Variants in CHCHD6 observed in about 807,000 individuals in gnomAD.
CHCHD6 encodes coiled-coil-helix-coiled-coil-helix domain containing 6, also known as MICOS complex subunit MIC25.
A neutral mutation model predicts 32.3 loss-of-function variants in CHCHD6; 28 were observed. The ratio of observed to expected loss-of-function variants is 0.87; its 90% CI spans 0.64 to 1.19. CHCHD6 has a LOEUF of 1.19. Ranked by LOEUF, CHCHD6 falls within the 50% of genes most tolerant of loss-of-function variation. The probability of loss-of-function intolerance (pLI) is 0.00; values close to 1 mark genes in which losing one functional copy is unlikely to be tolerated. For missense variants in CHCHD6, 333 were observed against 307.0 expected (o/e 1.08, Z -0.63); for synonymous variants, 122 against 117.5 (o/e 1.04, Z -0.25).
intron 5 of CHCHD6, among the ~76,000 whole-genome samples, chr3:126,868,596 C>A (rs1479321139): frequency 2.0e-5 from 3 of 152,158 alleles, no homozygotes; most frequent in African/African-American, 7.2e-5. Flanking sequence ...TTGCTGTATG[C>A]ATGCCTAGAC....
intron 6 of CHCHD6, among the ~76,000 whole-genome samples, chr3:126,950,746 G>A (rs557222564): frequency 1.3e-5 from 2 of 152,040 alleles, no homozygotes; most frequent in African/African-American, 4.8e-5. Flanking sequence ...CATTGCACCT[G>A]GCCTGCACAG....
At chr3:126,783,928 T>G (rs1368354306) in intron 4 of CHCHD6, among the ~76,000 whole-genome samples, 1 of 152,142 alleles carries the variant, frequency 6.6e-6, no homozygotes, top group Non-Finnish European at 1.5e-5. Flanking sequence ...AAGAGATAAG[T>G]AATTCAATAC....
intron 5 of CHCHD6, among the ~76,000 whole-genome samples, chr3:126,909,188 C>T (rs951747551): frequency 5.9e-5 from 9 of 152,330 alleles, no homozygotes; most frequent in Middle Eastern, 3.4e-3. Flanking sequence ...GGCTCCAGTC[C>T]AAAAGTTGCT....
chr3:126,901,442 A>G (rs946606225), intron 5 of CHCHD6, among the ~76,000 whole-genome samples: 1 of 152,174 alleles, frequency 6.6e-6, no homozygotes, highest in African/African-American at 2.4e-5. Context: ...ACATCCTGCC[A>G]CCTGTGGATC....
intron 7 of CHCHD6, among the ~76,000 whole-genome samples, chr3:126,958,952 A>G (rs1470869390): frequency 6.6e-6 from 1 of 152,098 alleles, no homozygotes; most frequent in Non-Finnish European, 1.5e-5. Context: ...TGTTCATCAC[A>G]CACCTAACTC....
At chr3:126,925,676 A>C (rs2078313464) in intron 6 of CHCHD6, among the ~76,000 whole-genome samples, 1 of 152,078 alleles carries the variant, frequency 6.6e-6, no homozygotes, top group Non-Finnish European at 1.5e-5. Context: ...TTCTCCTAGG[A>C]AGTATCATAG....
chr3:126,810,868 G>T (rs1478854234), intron 4 of CHCHD6, among the ~76,000 whole-genome samples: 1 of 152,196 alleles, frequency 6.6e-6, no homozygotes, highest in African/African-American at 2.4e-5. Context: ...AACAGGTTGT[G>T]GGGGTGGGAT....
intron 4 of CHCHD6, among the ~76,000 whole-genome samples, chr3:126,763,313 T>C (rs1166300864): frequency 8.7e-6 from 1 of 114,332 alleles, no homozygotes; most frequent in Admixed American, 9.8e-5. Flanking sequence ...TCTTCTCCCC[T>C]TTTTCCCCCT....
intron 4 of CHCHD6, among the ~76,000 whole-genome samples, chr3:126,786,533 G>A (rs2107683434): frequency 6.6e-6 from 1 of 152,284 alleles, no homozygotes; most frequent in East Asian, 1.9e-4. Context: ...ACTGGTATGA[G>A]ATGGTATCTC....
At chr3:126,887,525 C>T (rs1266205163) in intron 5 of CHCHD6, among the ~76,000 whole-genome samples, 3 of 152,156 alleles carry the variant, frequency 2.0e-5, no homozygotes, top group Non-Finnish European at 2.9e-5. Flanking sequence ...GGCTTACTCC[C>T]CCTAGCCCTG....
At chr3:126,854,447 A>G (rs1262066129) in intron 5 of CHCHD6, among the ~76,000 whole-genome samples, 1 of 152,190 alleles carries the variant, frequency 6.6e-6, no homozygotes, top group Non-Finnish European at 1.5e-5. Context: ...GGGGAGAGGC[A>G]GAAAGGAGGC....
At chr3:126,907,139 C>T (rs979624069) in intron 5 of CHCHD6, among the ~76,000 whole-genome samples, 4 of 152,162 alleles carry the variant, frequency 2.6e-5, no homozygotes, top group Admixed American at 1.3e-4. Flanking sequence ...TGGGCAAAGA[C>T]GCCAACCTAG....
intron 4 of CHCHD6, among the ~76,000 whole-genome samples, chr3:126,753,320 G>A (rs556942626): frequency 6.6e-6 from 1 of 152,308 alleles, no homozygotes. Context: ...GCTTGTTTCT[G>A]TGAAGAAGTC....
intron 1 of CHCHD6, among the ~76,000 whole-genome samples, chr3:126,718,888 A>G (rs1170062712): frequency 6.6e-6 from 1 of 152,228 alleles, no homozygotes; most frequent in African/African-American, 2.4e-5. Context: ...TTGTTGATTA[A>G]AAATATTACT....
At chr3:126,723,247 A>ATTG (rs1267022451) in intron 1 of CHCHD6, among the ~76,000 whole-genome samples, 4 of 152,276 alleles carry the variant, frequency 2.6e-5, no homozygotes, top group East Asian at 3.9e-4. Context: ...TATTATTATT[A>ATTG]TTACAATCTT....
chr3:126,878,231 A>T (rs1183937400), intron 5 of CHCHD6, among the ~76,000 whole-genome samples: 1 of 152,272 alleles, frequency 6.6e-6, no homozygotes, highest in Non-Finnish European at 1.5e-5. Context: ...AAGAACACTG[A>T]AAGTGAAGAC....
chr3:126,817,980 C>G (rs1192260965), intron 4 of CHCHD6, among the ~76,000 whole-genome samples: 16 of 152,232 alleles, frequency 1.1e-4, no homozygotes. Flanking sequence ...CACTACCCAG[C>G]TGTCTTTGCA....
chr3:126,901,192 A>G (rs2077922093), intron 5 of CHCHD6, among the ~76,000 whole-genome samples: 1 of 152,246 alleles, frequency 6.6e-6, no homozygotes, highest in African/African-American at 2.4e-5. Flanking sequence ...TGACTAACTT[A>G]CTGACTGAGA....
intron 4 of CHCHD6, chr3:126,767,460 T>C: frequency 1.5e-6 from 1 of 646,960 alleles, no homozygotes; most frequent in Non-Finnish European, 2.9e-6. Flanking sequence ...TTCCTAGATT[T>C]CCAAAGAATC....
Sources: allele counts gnomAD v4.1 joint callset (sites outside exome capture counted in the v4.1 genomes callset), GRCh38; gene constraint gnomAD v4.1.1; transcripts MANE v1.5; gene names NCBI Gene and HGNC (gene_info 2026-07-23, HGNC 2026-07-21).